KBTBD2: variants seen among roughly 807,000 people sequenced by gnomAD.
KBTBD2 encodes the protein kelch repeat and BTB domain-containing protein 2.
A neutral mutation model predicts 57.1 loss-of-function variants in KBTBD2; 17 were observed. The ratio of observed to expected loss-of-function variants is 0.30; its 90% CI spans 0.20 to 0.45. The LOEUF is 0.45. KBTBD2 is among the 20% of genes least tolerant of loss of function. The probability of loss-of-function intolerance (pLI) is 1.00; values close to 1 mark genes in which losing one functional copy is unlikely to be tolerated. For missense variants in KBTBD2, 515 were observed against 750.6 expected (o/e 0.69, Z 3.67); for synonymous variants, 267 against 262.7 (o/e 1.02, Z -0.16).
chr7:32,872,268 AATAAGCAT>A (rs769746124), intron 3 of KBTBD2, among the ~76,000 whole-genome samples: 28 of 152,148 alleles, frequency 1.8e-4, no homozygotes, highest in Non-Finnish European at 3.8e-4. Flanking sequence ...CAGTGCTTCC[AATAAGCAT>A]TTCTCCCGTT....
At chr7:32,876,467 G>C (rs1205706353) in intron 2 of KBTBD2, among the ~76,000 whole-genome samples, 3 of 152,192 alleles carry the variant, frequency 2.0e-5, no homozygotes, top group African/African-American at 4.8e-5. Flanking sequence ...TTTCCTTGTA[G>C]ATAGTGGGGA....
At chr7:32,874,356 C>T (rs185431716) in intron 3 of KBTBD2, among the ~76,000 whole-genome samples, 12 of 151,532 alleles carry the variant, frequency 7.9e-5, no homozygotes, top group Middle Eastern at 3.4e-3. Context: ...GCTGAGATCG[C>T]GCCACTAGAC....
rs73316971 is a variant in KBTBD2 at position 32,879,645 on chromosome 7, G to C, written c.-41C>G. On this transcript the variant is annotated 5_prime_UTR_variant, in exon 2 of 4. Coordinates refer to ENST00000304056, the MANE Select transcript of KBTBD2 (RefSeq NM_015483.3). ...ATATCTCCAGGAACAGATTAGAAAA[G>C]TCCGTCTTACTGATGGAAGGTCAAG... 9 of 1,558,946 alleles carry C rather than the reference G, an allele frequency of 5.8e-6. No homozygotes were observed. The African/African-American group carries it at 9.5e-5, about 16-fold the overall frequency.
chr7:32,869,141 C>G lies in KBTBD2; in HGVS notation c.*204G>C, dbSNP rs1221446289. 8.1e-6 allele frequency: 4 copies of G among 491,232 alleles called. No individual in the cohort carries two copies. The East Asian group carries it at 1.3e-4, about 17-fold the overall frequency. The allele number at this position is 491,232 out of a possible 1,614,324, so 30.4% of individuals were successfully genotyped here. On this transcript the variant is annotated 3_prime_UTR_variant, in exon 4 of 4. Transcript: ENST00000304056. ...TAAAGTTTCTCAATTATTGAATAAT[C>G]TATTTCATATTATGGAAGCATATCT...
At chr7:32,874,369 C>T (rs1784257242) in intron 3 of KBTBD2, among the ~76,000 whole-genome samples, 1 of 151,828 alleles carries the variant, frequency 6.6e-6, no homozygotes, top group Non-Finnish European at 1.5e-5. Flanking sequence ...CACTAGACTC[C>T]AGCCTGGGTG....
chr7:32,888,074 C>A (rs1006626744), intron 1 of KBTBD2, among the ~76,000 whole-genome samples: 5 of 152,212 alleles, frequency 3.3e-5, no homozygotes, highest in Non-Finnish European at 7.3e-5. Flanking sequence ...ACTCCAAATA[C>A]AGTTCTCTTT....
intron 2 of KBTBD2, among the ~76,000 whole-genome samples, chr7:32,876,447 A>T (rs1186059765): frequency 6.6e-6 from 1 of 152,184 alleles, no homozygotes; most frequent in African/African-American, 2.4e-5. Context: ...GAGACAAGAG[A>T]GTCTGAGCTT....
chr7:32,889,045 G>A (rs981081014), intron 1 of KBTBD2, among the ~76,000 whole-genome samples: 2 of 152,136 alleles, frequency 1.3e-5, no homozygotes, highest in African/African-American at 4.8e-5. Flanking sequence ...AGGCGCAATG[G>A]CTCACACCAG....
intron 1 of KBTBD2, among the ~76,000 whole-genome samples, chr7:32,888,087 T>C (rs1784625208): frequency 6.6e-6 from 1 of 152,242 alleles, no homozygotes; most frequent in Non-Finnish European, 1.5e-5. Context: ...TTCTCTTTTT[T>C]CATTCTGTCT....
At chr7:32,891,268 GGCGTACCGGGCCGCCCCTTCCCC>G (rs1215328663) in intron 1 of KBTBD2, 4 of 148,984 alleles carry the variant, frequency 2.7e-5, no homozygotes, top group Non-Finnish European at 6.0e-5. Context: ...CCCAGCTAGC[GGCGTACCGGGCCGCCCCTTCCCC>G]GCGGACCTGC....
chr7:32,890,932 G>A (rs1784717877), intron 1 of KBTBD2: 1 of 152,152 alleles, frequency 6.6e-6, no homozygotes, highest in Non-Finnish European at 1.5e-5. Context: ...AGAAGGAGGT[G>A]GTCGAATTCA....
Position 32,883,156 on chromosome 7 carries a change from A to G in KBTBD2, c.-338-3214T>C, listed in dbSNP as rs1035339107. ...GAGGCCTAGGAGGGCAGATCACTTG[A>G]GGCCTGAGGCCTGGAGTTCAAGACC... On this transcript the variant is annotated intron_variant, in intron 1 of 3. Transcript: ENST00000304056. Among the ~76,000 whole-genome samples, 3 of 151,928 alleles carry G rather than the reference A, an allele frequency of 2.0e-5. 1 individual carries two copies. The highest frequency in any genetic ancestry group is 4.2e-4 in the South Asian group (2 of 4,816).
intron 2 of KBTBD2, among the ~76,000 whole-genome samples, chr7:32,878,594 AC>A (rs954512342): frequency 2.0e-5 from 3 of 151,532 alleles, no homozygotes; most frequent in Non-Finnish European, 2.9e-5. Context: ...AAAAAAAAAA[AC>A]AAAAACAAAA....
intron 1 of KBTBD2, among the ~76,000 whole-genome samples, chr7:32,889,102 A>G (rs1039209560): frequency 6.6e-6 from 1 of 152,100 alleles, no homozygotes; most frequent in Non-Finnish European, 1.5e-5. Context: ...TCACCAGGTC[A>G]GGAGATCGAG....
rs1323201233 is a variant in KBTBD2 at position 32,869,844 on chromosome 7, C to T, written c.1373G>A (p.Ser458Asn). The T allele has an allele frequency of 6.2e-7, 1 of 1,613,686 alleles. No individual in the cohort carries two copies. ...AGCTGCAGCTGAAGCAAAGGACCTA[C>T]TAGTCTGTCTCATGGCCATTTCTAC... Reference protein sequence around the residue: ...SWVEMAMRQTSRSFASAAAFG... With the variant: ...SWVEMAMRQTNRSFASAAAFG... The change falls in exon 4 of 4, where the codon AGT (serine) becomes AAT (asparagine). Residue 458 changes from serine (S) to asparagine (N), a missense_variant. By Grantham distance (46) the Ser-to-Asn change is conservative. Coordinates refer to ENST00000304056, the MANE Select transcript of KBTBD2 (RefSeq NM_015483.3).
chr7:32,890,513 G>A (rs1181179979), intron 1 of KBTBD2, among the ~76,000 whole-genome samples: 1 of 152,202 alleles, frequency 6.6e-6, no homozygotes, highest in Non-Finnish European at 1.5e-5. Flanking sequence ...AGAGGGGGAA[G>A]ATCCCTGTTA....
At chr7:32,880,791 C>G (rs1427468791) in intron 1 of KBTBD2, among the ~76,000 whole-genome samples, 2 of 152,054 alleles carry the variant, frequency 1.3e-5, no homozygotes, top group Non-Finnish European at 2.9e-5. Flanking sequence ...TGCCATAAAA[C>G]CAAGTACACA....
At chr7:32,879,384 A>C (rs1784394947) in intron 2 of KBTBD2, 51 bp downstream of exon 2, 1 of 1,393,994 alleles carries the variant, frequency 7.2e-7, no homozygotes, top group Non-Finnish European at 9.8e-7. Context: ...CTTTTTAAAA[A>C]ATTAAATAAC....
chr7:32,870,729 A>G lies in KBTBD2; in HGVS notation c.488T>C (p.Val163Ala). The G allele has an allele frequency of 6.2e-7, 1 of 1,614,220 alleles. No homozygotes were observed. Among genetic ancestry groups the G allele is most frequent in the Non-Finnish European group, 8.5e-7 (1 of 1,180,030 alleles). The change falls in exon 4 of 4, where the codon GTG becomes GCG. Residue 163 changes from valine to alanine, a missense_variant. Transcript: ENST00000304056. ...KRMVEHKFTAVYHQDAFMQLS... is the reference protein window; with the variant it reads ...KRMVEHKFTAAYHQDAFMQLS... Reference sequence around the variant, plus strand: ...CTGCATGAACGCGTCCTGATGATACACAGCAGTGAACTTGTGCTCCACCAT... The same window carrying G: ...CTGCATGAACGCGTCCTGATGATACGCAGCAGTGAACTTGTGCTCCACCAT...
Sources: allele counts gnomAD v4.1 joint callset (sites outside exome capture counted in the v4.1 genomes callset), GRCh38; gene constraint gnomAD v4.1.1; transcripts MANE v1.5; gene names NCBI Gene and HGNC (gene_info 2026-07-23, HGNC 2026-07-21).